CDYL: variants seen among roughly 807,000 people sequenced by gnomAD.
The protein encoded by CDYL is chromodomain Y like, also known as chromodomain Y-like protein.
In CDYL, 8 loss-of-function variants were observed where a neutral mutation model predicts 47.3. The observed-to-expected ratio is 0.17, with a 90% confidence interval of 0.10 to 0.31. The LOEUF is 0.31. Ranked by LOEUF, CDYL falls within the 10% of genes least tolerant of loss-of-function variation. The probability of loss-of-function intolerance (pLI) is 1.00; values close to 1 mark genes in which losing one functional copy is unlikely to be tolerated. For synonymous variants in CDYL, 266 were observed against 265.0 expected, an observed-to-expected ratio of 1.00 and a Z score of -0.04; for missense variants, 471 against 701.4, an observed-to-expected ratio of 0.67 and a Z score of 3.71.
rs148995929 is a variant in CDYL, at chr6:4,908,971, G to A, written c.691+16592G>A. Among the ~76,000 whole-genome samples the A allele has an allele frequency of 1.2e-4, 18 of 152,358 alleles. No homozygotes were observed. The East Asian group carries it at 2.7e-3, about 23-fold the overall frequency. On this transcript the variant is annotated intron_variant, in intron 2 of 6. Coordinates refer to ENST00000397588, the MANE Select transcript of CDYL (RefSeq NM_004824.4). The stretch of plus-strand genomic sequence containing the variant: ...AAAAGGTTCTATGCTTAGACTAGAC[G>A]TGGGATTTAAAAGTTTCCATGTTCG...
chr6:4,880,366 T>A (rs151221379), intron 1 of CDYL, among the ~76,000 whole-genome samples: 298 of 152,332 alleles, frequency 2.0e-3, no homozygotes, highest in Non-Finnish European at 3.5e-3. Flanking sequence ...GATAGTTCAT[T>A]TCTTTTTGGT....
At chr6:4,874,190 A>G (rs1283728554) in intron 1 of CDYL, among the ~76,000 whole-genome samples, 1 of 150,000 alleles carries the variant, frequency 6.7e-6, no homozygotes, top group Non-Finnish European at 1.5e-5. Context: ...GGCCATTTGT[A>G]TTTTTTTTTC....
intron 1 of CDYL, among the ~76,000 whole-genome samples, chr6:4,877,614 A>C (rs544199873): frequency 6.6e-6 from 1 of 152,348 alleles, no homozygotes; most frequent in African/African-American, 2.4e-5. Flanking sequence ...TTTGTAATCA[A>C]AAATCAGTTG....
chr6:4,951,547 G>A (rs2127529925), intron 5 of CDYL, among the ~76,000 whole-genome samples: 1 of 151,958 alleles, frequency 6.6e-6, no homozygotes, highest in Non-Finnish European at 1.5e-5. Flanking sequence ...AAAACCTAAT[G>A]TTAGCTTTCT....
chr6:4,715,260 A>T (rs893849297), intron 1 of CDYL, among the ~76,000 whole-genome samples: 4 of 152,090 alleles, frequency 2.6e-5, no homozygotes, highest in African/African-American at 4.8e-5. Context: ...TCTTCCTACC[A>T]GACTGTAGAC....
At chr6:4,934,223 G>A (rs1468287591) in intron 2 of CDYL, among the ~76,000 whole-genome samples, 1 of 152,080 alleles carries the variant, frequency 6.6e-6, no homozygotes, top group African/African-American at 2.4e-5. Context: ...AGGGCAGGGG[G>A]ATCCTGTGTA....
chr6:4,712,098 T>C (rs1355745145), intron 1 of CDYL, among the ~76,000 whole-genome samples: 2 of 151,766 alleles, frequency 1.3e-5, no homozygotes, highest in Admixed American at 6.6e-5. Context: ...AAAAAATATA[T>C]AACAGTTAAG....
At chr6:4,904,846 A>G (rs551631294) in intron 2 of CDYL, among the ~76,000 whole-genome samples, 1 of 152,270 alleles carries the variant, frequency 6.6e-6, no homozygotes, top group African/African-American at 2.4e-5. Flanking sequence ...TTAGCCACTT[A>G]GACTACAGCT....
At chr6:4,712,914 G>A (rs1204634398) in intron 1 of CDYL, among the ~76,000 whole-genome samples, 1 of 152,208 alleles carries the variant, frequency 6.6e-6, no homozygotes, top group Non-Finnish European at 1.5e-5. Flanking sequence ...TGCATCTGGG[G>A]TGGGCAGATC....
intron 3 of CDYL, among the ~76,000 whole-genome samples, chr6:4,764,733 C>G (rs1235020350): frequency 6.6e-6 from 1 of 152,130 alleles, no homozygotes; most frequent in East Asian, 1.9e-4. Flanking sequence ...ATATGCAAAG[C>G]AAAAACTACA....
chr6:4,893,609 C>T (rs1358981824), intron 2 of CDYL, among the ~76,000 whole-genome samples: 1 of 151,736 alleles, frequency 6.6e-6, no homozygotes, highest in African/African-American at 2.4e-5. Flanking sequence ...ACAAGAATCG[C>T]TTGAACCCAG....
At chr6:4,865,352 A>G (rs1581221803) in intron 1 of CDYL, among the ~76,000 whole-genome samples, 2 of 152,090 alleles carry the variant, frequency 1.3e-5, no homozygotes, top group Middle Eastern at 3.4e-3. Flanking sequence ...GTGCGGTCCA[A>G]CCCTAGCCAA....
intron 2 of CDYL, among the ~76,000 whole-genome samples, chr6:4,933,261 C>G (rs577029061): frequency 4.6e-5 from 7 of 152,324 alleles, no homozygotes; most frequent in Non-Finnish European, 8.8e-5. Context: ...ACCCTGACTT[C>G]CCTCCCCTGA....
intron 1 of CDYL, among the ~76,000 whole-genome samples, chr6:4,807,240 A>G (rs1759396008): frequency 6.6e-6 from 1 of 152,216 alleles, no homozygotes; most frequent in African/African-American, 2.4e-5. Context: ...CTCAGCCCAT[A>G]CATTTCAGTG....
At chr6:4,916,458 A>G (rs927338219) in intron 2 of CDYL, among the ~76,000 whole-genome samples, 3 of 152,256 alleles carry the variant, frequency 2.0e-5, no homozygotes, top group African/African-American at 7.2e-5. Flanking sequence ...ACTGAAGAGA[A>G]CTAAAAATAA....
intron 3 of CDYL, among the ~76,000 whole-genome samples, chr6:4,755,111 G>A (rs1464461093): frequency 6.6e-6 from 1 of 151,916 alleles, no homozygotes; most frequent in African/African-American, 2.4e-5. Context: ...CTAGGCTGGA[G>A]TGCAATGGCA....
intron 3 of CDYL, among the ~76,000 whole-genome samples, chr6:4,740,773 G>A (rs1757782986): frequency 6.6e-6 from 1 of 151,790 alleles, no homozygotes; most frequent in South Asian, 2.1e-4. Flanking sequence ...GTTGGAAAGG[G>A]CATATACTCT....
intron 1 of CDYL, among the ~76,000 whole-genome samples, chr6:4,708,786 A>G (rs1009301842): frequency 8.5e-5 from 13 of 152,206 alleles, no homozygotes; most frequent in African/African-American, 3.1e-4. Context: ...TGGGAGGCCA[A>G]GATGGGTGGA....
chr6:4,707,475 C>G (rs1052406808), intron 1 of CDYL, among the ~76,000 whole-genome samples: 3 of 152,072 alleles, frequency 2.0e-5, no homozygotes, highest in Non-Finnish European at 4.4e-5. Flanking sequence ...GGTTTCACCA[C>G]GTTGGCCAGG....
Sources: allele counts gnomAD v4.1 joint callset (sites outside exome capture counted in the v4.1 genomes callset), GRCh38; gene constraint gnomAD v4.1.1; transcripts MANE v1.5; gene names NCBI Gene and HGNC (gene_info 2026-07-23, HGNC 2026-07-21).